The following FMNL2 variants were observed in gnomAD, a reference collection of about 807,000 sequenced individuals.
FMNL2 encodes formin-like protein 2.
In FMNL2, 51 loss-of-function variants were observed where a neutral mutation model predicts 130.2. The ratio of observed to expected loss-of-function variants is 0.39; its 90% CI spans 0.31 to 0.49. The LOEUF is 0.49. FMNL2 is among the 20% of genes least tolerant of loss of function. The probability of loss-of-function intolerance (pLI) is 0.85; values close to 1 mark genes in which losing one functional copy is unlikely to be tolerated. For missense variants in FMNL2, 977 were observed against 1,316.2 expected, an observed-to-expected ratio of 0.74 and a Z score of 3.99; for synonymous variants, 465 against 467.1, an observed-to-expected ratio of 1.00 and a Z score of 0.06.
At chr2:152,484,716 G>T (rs1690721259) in intron 1 of FMNL2, among the ~76,000 whole-genome samples, 13 of 150,516 alleles carry the variant, frequency 8.6e-5, no homozygotes, top group African/African-American at 3.2e-4. Flanking sequence ...GAGCCATGAT[G>T]GTGCCCCTGC....
At chr2:152,371,458 C>T (rs1261209375) in intron 1 of FMNL2, among the ~76,000 whole-genome samples, 2 of 152,114 alleles carry the variant, frequency 1.3e-5, no homozygotes, top group South Asian at 2.1e-4. Context: ...ATCATGAGTT[C>T]AGGAGATTGA....
intron 1 of FMNL2, among the ~76,000 whole-genome samples, chr2:152,383,806 T>C (rs1484957025): frequency 6.6e-6 from 1 of 152,304 alleles, no homozygotes; most frequent in East Asian, 1.9e-4. Flanking sequence ...GGGTTTTATT[T>C]ATGGCAAAGA....
intron 3 of FMNL2, among the ~76,000 whole-genome samples, chr2:152,545,086 A>G (rs1694544437): frequency 6.6e-6 from 1 of 152,216 alleles, no homozygotes; most frequent in South Asian, 2.1e-4. Context: ...CAGAAAAAAT[A>G]AAATGGATGG....
chr2:152,579,340 C>T (rs1696647444), intron 8 of FMNL2, among the ~76,000 whole-genome samples: 1 of 152,104 alleles, frequency 6.6e-6, no homozygotes, highest in Admixed American at 6.5e-5. Context: ...AACCACCATC[C>T]TTCGTCTACA....
chr2:152,350,976 C>T (rs557481192), intron 1 of FMNL2, among the ~76,000 whole-genome samples: 5 of 152,066 alleles, frequency 3.3e-5, no homozygotes, highest in Admixed American at 6.5e-5. Flanking sequence ...ACCTGGGAGG[C>T]GGAGGCTGCA....
chr2:152,616,327 G>GGT (rs1698945056), intron 12 of FMNL2, among the ~76,000 whole-genome samples: 1 of 110,056 alleles, frequency 9.1e-6, no homozygotes, highest in Admixed American at 1.1e-4. Context: ...ATTTTTGTGG[G>GGT]TTTTTTTTTT....
At chr2:152,509,396 A>AT (rs879677668) in intron 1 of FMNL2, among the ~76,000 whole-genome samples, 207 of 145,730 alleles carry the variant, frequency 1.4e-3, no homozygotes, top group East Asian at 0.014. Context: ...TTATTATGGG[A>AT]TTTTTTTTTT....
chr2:152,450,208 A>G (rs935162000), intron 1 of FMNL2, among the ~76,000 whole-genome samples: 1 of 152,262 alleles, frequency 6.6e-6, no homozygotes, highest in African/African-American at 2.4e-5. Flanking sequence ...TAAAGCCTGT[A>G]TTAATCAGAA....
At chr2:152,408,564 G>A (rs1383145399) in intron 1 of FMNL2, among the ~76,000 whole-genome samples, 2 of 152,034 alleles carry the variant, frequency 1.3e-5, no homozygotes, top group Non-Finnish European at 2.9e-5. Flanking sequence ...AAATACAGAT[G>A]CTCCTAGACT....
chr2:152,551,442 T>C (rs2105542639), intron 4 of FMNL2, among the ~76,000 whole-genome samples: 1 of 152,330 alleles, frequency 6.6e-6, no homozygotes, highest in South Asian at 2.1e-4. Flanking sequence ...TTCATGGAGA[T>C]GCATTGTCTG....
At chr2:152,561,886 A>G (rs1695552193) in intron 6 of FMNL2, among the ~76,000 whole-genome samples, 1 of 152,034 alleles carries the variant, frequency 6.6e-6, no homozygotes. Flanking sequence ...CCAGTTGTCA[A>G]CCTTATATTT....
In FMNL2 at chr2:152,603,454, T is replaced by C. The variant is rs530052073; in HGVS notation, c.877-3885T>C. 1.9e-4 allele frequency among the ~76,000 whole-genome samples: 27 copies of C among 140,772 alleles called. 1 individual carries two copies. Among genetic ancestry groups the C allele is most frequent in the Non-Finnish European group, 2.7e-4 (17 of 62,760 alleles). 92.4% of individuals were successfully genotyped at this position (140,772 alleles called of 152,430 possible). ...ATTTCTCTGTTTTGTAACGCACATG[T>C]TCTCAGTAGGGATTTGTCTGTTGAC... On this transcript the variant is annotated intron_variant, in intron 9 of 25. Transcript: ENST00000288670.
chr2:152,495,514 G>A (rs1691454548), intron 1 of FMNL2, among the ~76,000 whole-genome samples: 1 of 151,488 alleles, frequency 6.6e-6, no homozygotes, highest in African/African-American at 2.4e-5. Context: ...GCTGGGTGTG[G>A]TGGCACATTA....
At chr2:152,444,958 T>C (rs966299435) in intron 1 of FMNL2, among the ~76,000 whole-genome samples, 2 of 152,236 alleles carry the variant, frequency 1.3e-5, no homozygotes, top group African/African-American at 4.8e-5. Flanking sequence ...TCATACATGG[T>C]TCACAAACAG....
At chr2:152,360,855 G>GT (rs1395750079) in intron 1 of FMNL2, among the ~76,000 whole-genome samples, 1 of 152,084 alleles carries the variant, frequency 6.6e-6, no homozygotes, top group Non-Finnish European at 1.5e-5. Flanking sequence ...AAGCAACCTG[G>GT]TCAGATATAA....
chr2:152,644,179 C>A (rs1453092601), intron 25 of FMNL2, among the ~76,000 whole-genome samples: 1 of 152,138 alleles, frequency 6.6e-6, no homozygotes, highest in Admixed American at 6.6e-5. Context: ...GGAGATCCCA[C>A]CAATGCACTC....
At chr2:152,549,668 T>C (rs1389896025) in intron 4 of FMNL2, among the ~76,000 whole-genome samples, 3 of 152,218 alleles carry the variant, frequency 2.0e-5, no homozygotes, top group African/African-American at 7.2e-5. Flanking sequence ...CACTAAGCAT[T>C]CTGAGTTTCT....
intron 3 of FMNL2, among the ~76,000 whole-genome samples, chr2:152,546,095 C>T (rs1694614868): frequency 6.6e-6 from 1 of 152,122 alleles, no homozygotes; most frequent in Non-Finnish European, 1.5e-5. Flanking sequence ...TCTGCTATGT[C>T]CTCAGTGCTA....
intron 23 of FMNL2, among the ~76,000 whole-genome samples, chr2:152,637,914 A>C (rs1346996000): frequency 6.6e-6 from 1 of 152,228 alleles, no homozygotes; most frequent in East Asian, 1.9e-4. Flanking sequence ...CCTTGGGGCA[A>C]GGGAGATGCT....
Sources: gnomAD v4.1 joint callset for allele counts (sites outside exome capture counted in the v4.1 genomes callset) on GRCh38, gnomAD v4.1.1 for gene constraint, MANE v1.5 for transcripts, NCBI Gene and HGNC (gene_info 2026-07-23, HGNC 2026-07-21) for gene names.